Variants in CCDC171 observed in about 807,000 individuals in gnomAD.
CCDC171 encodes coiled-coil domain containing 171.
CCDC171 carries 177 observed loss-of-function variants against 168.2 expected under a neutral mutation model. The ratio of observed to expected loss-of-function variants is 1.05; its 90% confidence interval spans 0.93 to 1.19. The LOEUF is 1.19. Ranked by LOEUF, CCDC171 falls within the 50% of genes most tolerant of loss-of-function variation. The pLI is 0.00. For missense variants in CCDC171, 1,991 were observed against 1,539.0 expected (o/e 1.29, Z -4.91); for synonymous variants, 687 against 540.8 (o/e 1.27, Z -3.75).
At chr9:15,779,651 C>T (rs980065296) in intron 20 of CCDC171, among the ~76,000 whole-genome samples, 3 of 152,202 alleles carry the variant, frequency 2.0e-5, no homozygotes, top group East Asian at 1.9e-4. Flanking sequence ...TGAGCCACTG[C>T]ACCTGGCCTC....
rs1230017225 is a variant in CCDC171, at chr9:15,729,916, CTTGTTTAGATACACATATAT to C, written c.2049+134_2049+153del. 13 of 701,788 alleles carry C rather than the reference CTTGTTTAGATACACATATAT, an allele frequency of 1.9e-5. No individual in the cohort carries two copies. The Admixed American group carries it at 3.5e-4, about 19-fold the overall frequency. 43.5% of individuals were successfully genotyped at this position (701,788 alleles called of 1,614,324 possible). On this transcript the variant is annotated intron_variant, in intron 16 of 25. Coordinates refer to ENST00000380701, the MANE Select transcript of CCDC171 (RefSeq NM_173550.4). ...TAAACTTCTTAAGAACTTCGTAGAA[CTTGTTTAGATACACATATAT>C]TTGTTTAGATACACACACATACGTG...
In CCDC171 at chr9:15,947,970, C is replaced by A. The variant is rs913945750; in HGVS notation, c.3754-23639C>A. On this transcript the variant is annotated intron_variant, in intron 25 of 25. Transcript: ENST00000380701. The stretch of plus-strand genomic sequence containing the variant: ...GGGTATATCTCCCAATGCTATCCCT[C>A]CCCGCTGCCCCCACCCCACAACAGT... 7.1e-4 allele frequency among the ~76,000 whole-genome samples: 107 copies of A among 149,682 alleles called. 1 individual carries two copies. The highest frequency in any genetic ancestry group is 2.4e-3 in the African/African-American group (98 of 40,428).
intron 8 of CCDC171, among the ~76,000 whole-genome samples, chr9:15,662,979 T>A (rs932857648): frequency 1.1e-4 from 16 of 150,242 alleles, no homozygotes; most frequent in East Asian, 2.0e-4. Context: ...AGACTTCGTC[T>A]CAACAACAAC....
chr9:15,858,802 T>G (rs1364092800), intron 23 of CCDC171, among the ~76,000 whole-genome samples: 1 of 152,070 alleles, frequency 6.6e-6, no homozygotes, highest in Non-Finnish European at 1.5e-5. Context: ...TAAAGGGGTT[T>G]CTATGTAGAA....
chr9:15,632,346 C>G (rs937358734), intron 7 of CCDC171, among the ~76,000 whole-genome samples: 2 of 151,830 alleles, frequency 1.3e-5, no homozygotes, highest in Admixed American at 6.6e-5. Flanking sequence ...AATCAATGTA[C>G]AAAAATCACA....
intron 7 of CCDC171, among the ~76,000 whole-genome samples, chr9:15,635,487 A>G (rs2046129401): frequency 1.3e-5 from 2 of 152,154 alleles, no homozygotes; most frequent in South Asian, 4.1e-4. Flanking sequence ...TGAAGGCTGG[A>G]ACACTCAGCA....
chr9:15,598,298 T>C (rs1384916963), intron 6 of CCDC171, among the ~76,000 whole-genome samples: 4 of 152,138 alleles, frequency 2.6e-5, no homozygotes, highest in Non-Finnish European at 5.9e-5. Context: ...TGCTGTAAAT[T>C]TCCCTCTATA....
the CCDC171 span, among the ~76,000 whole-genome samples, chr9:16,075,869 A>T: frequency 6.6e-6 from 1 of 152,148 alleles, no homozygotes; most frequent in Admixed American, 6.5e-5. Flanking sequence ...ACAGCACAGC[A>T]CAGCACAGCA....
At chr9:16,089,122 A>G in the CCDC171 span, among the ~76,000 whole-genome samples, 1 of 152,148 alleles carries the variant, frequency 6.6e-6, no homozygotes. Context: ...AATATTCCCT[A>G]TTTAATAAAT....
chr9:15,837,952 A>G (rs1243728106), intron 21 of CCDC171, among the ~76,000 whole-genome samples: 1 of 152,162 alleles, frequency 6.6e-6, no homozygotes, highest in Non-Finnish European at 1.5e-5. Flanking sequence ...ACATTTTAAA[A>G]CCATAGCCGA....
chr9:15,889,564 A>C (rs1589008540), intron 24 of CCDC171, among the ~76,000 whole-genome samples: 3 of 152,204 alleles, frequency 2.0e-5, no homozygotes, highest in African/African-American at 7.2e-5. Flanking sequence ...GTTATGTGCA[A>C]ATCAGATAAG....
At chr9:15,985,078 C>A (rs1266203601) in intron 3 of CCDC171, among the ~76,000 whole-genome samples, 1 of 151,948 alleles carries the variant, frequency 6.6e-6, no homozygotes, top group Non-Finnish European at 1.5e-5. Context: ...TTATAAATTT[C>A]TAAATTTCCT....
At chr9:15,867,980 A>G (rs181444169) in intron 23 of CCDC171, among the ~76,000 whole-genome samples, 2 of 152,048 alleles carry the variant, frequency 1.3e-5, no homozygotes, top group African/African-American at 4.8e-5. Context: ...AAATCACCCT[A>G]TTTTCCAGCT....
chr9:15,562,184 C>T (rs138943687), intron 1 of CCDC171, among the ~76,000 whole-genome samples: 12 of 152,032 alleles, frequency 7.9e-5, no homozygotes, highest in East Asian at 7.7e-4. Flanking sequence ...TTAGTAGAGT[C>T]GGGGTTTCAC....
At chr9:15,823,768 G>A (rs2059897828) in intron 21 of CCDC171, among the ~76,000 whole-genome samples, 2 of 151,804 alleles carry the variant, frequency 1.3e-5, no homozygotes, top group South Asian at 4.2e-4. Context: ...GGAGATTTTT[G>A]TATTTTATAT....
rs3082839 is a variant in CCDC171, at chr9:15,793,551, G to GTTTTTTTTTTT, written c.3267+8876_3267+8886dup. Reference sequence around the variant, plus strand: ...AGCACCACATCGCACTTATTCCAAGGTTTTTTTTTTTTTTTTTTTTTTTTT... The same window carrying GTTTTTTTTTTT: ...AGCACCACATCGCACTTATTCCAAGGTTTTTTTTTTTTTTTTTTTTTTTTTTTTTTTTTTTT... On this transcript the variant is annotated intron_variant, in intron 21 of 25. Coordinates refer to ENST00000380701, the MANE Select transcript of CCDC171 (RefSeq NM_173550.4). Among the ~76,000 whole-genome samples, 3 of 77,060 alleles carry GTTTTTTTTTTT rather than the reference G, an allele frequency of 3.9e-5. 1 individual carries two copies. Among genetic ancestry groups the GTTTTTTTTTTT allele is most frequent in the African/African-American group, 1.9e-4 (3 of 15,542 alleles). The allele number at this position is 77,060 out of a possible 152,430, so 50.6% of individuals were successfully genotyped here. A position where few individuals can be genotyped will look rare whatever the true frequency, so the allele number is the denominator to read the frequency against.
intron 4 of CCDC171, among the ~76,000 whole-genome samples, chr9:15,583,082 G>A (rs776606824): frequency 4.0e-4 from 60 of 151,886 alleles, no homozygotes; most frequent in Non-Finnish European, 6.2e-4. Context: ...CAAAAATATC[G>A]AACCAGCCTA....
intron 7 of CCDC171, among the ~76,000 whole-genome samples, chr9:15,640,095 G>A (rs780874159): frequency 3.9e-5 from 6 of 152,126 alleles, no homozygotes; most frequent in Non-Finnish European, 8.8e-5. Context: ...GTATCAATGA[G>A]ATCATCATGA....
intron 6 of CCDC171, among the ~76,000 whole-genome samples, chr9:15,613,965 G>C (rs2043899471): frequency 6.6e-6 from 1 of 152,216 alleles, no homozygotes; most frequent in Non-Finnish European, 1.5e-5. Flanking sequence ...TAGATGGTCA[G>C]CTAATGAATG....
Sources: gnomAD v4.1 joint callset for allele counts (sites outside exome capture counted in the v4.1 genomes callset) on GRCh38, gnomAD v4.1.1 for gene constraint, MANE v1.5 for transcripts, NCBI Gene and HGNC (gene_info 2026-07-23, HGNC 2026-07-21) for gene names.